MYO1D: variants seen among roughly 807,000 people sequenced by gnomAD.
The protein encoded by MYO1D is unconventional myosin-Id.
A neutral mutation model predicts 122.0 loss-of-function variants in MYO1D; 83 were observed. The observed-to-expected ratio is 0.68, with a 90% CI of 0.57 to 0.82. The LOEUF is 0.82. Among genes scored for constraint, MYO1D ranks in the 40% least tolerant of loss-of-function variants. The pLI is 0.00. For synonymous variants in MYO1D, 464 were observed against 446.9 expected, an observed-to-expected ratio of 1.04 and a Z score of -0.48; for missense variants, 1,157 against 1,269.5, an observed-to-expected ratio of 0.91 and a Z score of 1.35.
chr17:32,784,204 C>T (rs2090269288), intron 1 of MYO1D, among the ~76,000 whole-genome samples: 2 of 152,214 alleles, frequency 1.3e-5, no homozygotes, highest in Admixed American at 1.3e-4. Flanking sequence ...TCCCCTACCA[C>T]TTCTCTCTGT....
chr17:32,863,588 A>C (rs1427717013), intron 1 of MYO1D, among the ~76,000 whole-genome samples: 1 of 152,260 alleles, frequency 6.6e-6, no homozygotes, highest in African/African-American at 2.4e-5. Flanking sequence ...AGATCAACTT[A>C]GTGTGGAACA....
intron 2 of MYO1D, 97 bp from the exon 3 acceptor site, chr17:32,778,670 C>A: frequency 9.2e-7 from 1 of 1,086,934 alleles, no homozygotes; most frequent in Non-Finnish European, 1.3e-6. Context: ...ACTGGTGATG[C>A]ATTTAAAATC....
chr17:32,700,906 T>G (rs1421616034), intron 16 of MYO1D, among the ~76,000 whole-genome samples: 1 of 147,238 alleles, frequency 6.8e-6, no homozygotes, highest in Non-Finnish European at 1.5e-5. Context: ...ATCACGCCAT[T>G]GTACTCCAGC....
chr17:32,551,088 G>A (rs934311842), intron 21 of MYO1D, among the ~76,000 whole-genome samples: 4 of 152,136 alleles, frequency 2.6e-5, no homozygotes, highest in Non-Finnish European at 5.9e-5. Context: ...GAGATCTATA[G>A]TTTCTGACAC....
chr17:32,499,884 G>T (rs1217966290), intron 21 of MYO1D, among the ~76,000 whole-genome samples: 1 of 151,834 alleles, frequency 6.6e-6, no homozygotes, highest in Non-Finnish European at 1.5e-5. Flanking sequence ...AATCGCTGGA[G>T]CCTGGGAGGC....
At chr17:32,722,273 G>C (rs1486347512) in intron 14 of MYO1D, among the ~76,000 whole-genome samples, 1 of 152,204 alleles carries the variant, frequency 6.6e-6, no homozygotes, top group East Asian at 1.9e-4. Context: ...TGCTATAGCA[G>C]ATTATCATAA....
chr17:32,778,338 T>C (rs1022257541), intron 3 of MYO1D, 142 bp downstream of exon 3: 2 of 608,052 alleles, frequency 3.3e-6, no homozygotes, highest in African/African-American at 1.8e-5. Flanking sequence ...CTTAAGAGAA[T>C]CAAAGTAGCT....
chr17:32,862,239 A>G (rs1598163625), intron 1 of MYO1D, among the ~76,000 whole-genome samples: 1 of 152,252 alleles, frequency 6.6e-6, no homozygotes, highest in East Asian at 1.9e-4. Flanking sequence ...CTTTCTCTTC[A>G]TAGCACTTAT....
chr17:32,536,537 G>A (rs910476961), intron 21 of MYO1D, among the ~76,000 whole-genome samples: 2 of 152,224 alleles, frequency 1.3e-5, no homozygotes, highest in South Asian at 4.1e-4. Context: ...CATAAATATG[G>A]CTGTTTGGCT....
chr17:32,519,635 C>T (rs1411336972), intron 21 of MYO1D, among the ~76,000 whole-genome samples: 2 of 151,760 alleles, frequency 1.3e-5, no homozygotes, highest in Admixed American at 6.6e-5. Context: ...CGCGCTTCTC[C>T]GCCTCGCCGC....
Position 32,659,240 on chromosome 17 carries a change from G to T in MYO1D, c.2220C>A (p.Ile740=), listed in dbSNP as rs1171650792. The T allele has an allele frequency of 6.2e-7, 1 of 1,614,202 alleles. No individual in the cohort carries two copies. Among genetic ancestry groups the T allele is most frequent in the Non-Finnish European group, 8.5e-7 (1 of 1,180,040 alleles). ...YYRRYKVKSY[I]HEVARRFHGV... ...CATGGAAGCGTCTGGCCACCTCGTG[G>T]ATGTACGACTTCACTTTGTAGCGCC... is the stretch of plus-strand genomic sequence containing the variant. The change falls in exon 17 of 22, where the codon ATC becomes ATA. Residue 740 remains isoleucine, a synonymous_variant. Coordinates refer to ENST00000318217, the MANE Select transcript of MYO1D (RefSeq NM_015194.3).
At chr17:32,528,715 CAGGAGGAGG>C (rs1280893963) in intron 21 of MYO1D, among the ~76,000 whole-genome samples, 2 of 151,932 alleles carry the variant, frequency 1.3e-5, no homozygotes, top group African/African-American at 4.8e-5. Flanking sequence ...CTGACACAGA[CAGGAGGAGG>C]AGGAGGAGGC....
rs143472039 is a variant in MYO1D at position 32,748,748 on chromosome 17, T to C, written c.1538+188A>G. Among the ~76,000 whole-genome samples the C allele has an allele frequency of 1.8e-3, 268 of 152,362 alleles. 1 individual carries two copies. The highest frequency in any genetic ancestry group is 5.9e-3 in the African/African-American group (247 of 41,586). ...ACATGGGCAAGTAGTGTGTGCTCAA[T>C]AAATGGTTGAAAAGCAAGGAATGAA... On this transcript the variant is annotated intron_variant, in intron 12 of 21. Coordinates refer to ENST00000318217, the MANE Select transcript of MYO1D (RefSeq NM_015194.3).
intron 16 of MYO1D, among the ~76,000 whole-genome samples, chr17:32,669,029 T>A (rs2088674186): frequency 6.6e-6 from 1 of 152,118 alleles, no homozygotes; most frequent in Non-Finnish European, 1.5e-5. Flanking sequence ...TATGTAAATC[T>A]CCTTTAACAG....
rs1459730554 is a variant in MYO1D, at chr17:32,605,203, A to C, written c.2748T>G (p.Leu916=). The C allele has an allele frequency of 3.1e-6, 5 of 1,593,334 alleles. No homozygotes were observed. Among genetic ancestry groups the C allele is most frequent in the Non-Finnish European group, 4.3e-6 (5 of 1,164,318 alleles). Residue 916 remains leucine (L), a synonymous_variant, in exon 21 of 22, where the codon CTT becomes CTG. Coordinates refer to ENST00000318217, the MANE Select transcript of MYO1D (RefSeq NM_015194.3). The stretch of plus-strand genomic sequence containing the variant: ...TGTTGTCTTTCGTATGGAACACTAC[A>C]AGTTGGTCCTTTCCATTGGAGACAC... ...GLSVSNGKDQ[L]VVFHTKDNKD...
At chr17:32,571,808 T>C (rs1225010045) in intron 21 of MYO1D, among the ~76,000 whole-genome samples, 3 of 152,194 alleles carry the variant, frequency 2.0e-5, no homozygotes, top group Non-Finnish European at 4.4e-5. Flanking sequence ...CATTTTACTC[T>C]AGCAAAGTAA....
chr17:32,596,156 C>A (rs972349673), intron 21 of MYO1D, among the ~76,000 whole-genome samples: 3 of 152,130 alleles, frequency 2.0e-5, no homozygotes, highest in Non-Finnish European at 2.9e-5. Context: ...ATTTGATGGA[C>A]CAAAATTTAA....
At chr17:32,844,822 A>C (rs2151076932) in intron 1 of MYO1D, among the ~76,000 whole-genome samples, 1 of 152,304 alleles carries the variant, frequency 6.6e-6, no homozygotes, top group Admixed American at 6.5e-5. Flanking sequence ...ATGGGGTATG[A>C]CTTCTGGGAG....
intron 1 of MYO1D, among the ~76,000 whole-genome samples, chr17:32,869,864 T>C (rs755459930): frequency 1.2e-4 from 18 of 151,860 alleles, no homozygotes; most frequent in Non-Finnish European, 2.4e-4. Flanking sequence ...GCTGGGGAAG[T>C]CAAGGCTGCA....
Sources: allele counts gnomAD v4.1 joint callset (sites outside exome capture counted in the v4.1 genomes callset), GRCh38; gene constraint gnomAD v4.1.1; transcripts MANE v1.5; gene names NCBI Gene and HGNC (gene_info 2026-07-23, HGNC 2026-07-21).